Variants in MAP4 observed in about 807,000 individuals in gnomAD.
The protein encoded by MAP4 is microtubule-associated protein 4.
A neutral mutation model predicts 170.2 loss-of-function variants in MAP4; 76 were observed. That is an observed-to-expected ratio of 0.45 (90% confidence interval 0.37 to 0.54). The LOEUF (loss-of-function observed/expected upper bound fraction) is 0.54. Ranked by LOEUF, MAP4 falls within the 20% of genes least tolerant of loss-of-function variation. The pLI is 0.00. For synonymous variants in MAP4, 909 were observed against 994.5 expected (o/e 0.91, Z 1.62); for missense variants, 2,506 against 2,748.0 (o/e 0.91, Z 1.97).
intron 1 of MAP4, among the ~76,000 whole-genome samples, chr3:48,063,056 T>A (rs1354354970): frequency 6.6e-6 from 1 of 151,514 alleles, no homozygotes; most frequent in Non-Finnish European, 1.5e-5. Flanking sequence ...ATAACATATG[T>A]CATCAGAGAA....
intron 3 of MAP4, among the ~76,000 whole-genome samples, chr3:47,954,352 G>C (rs1048401683): frequency 1.7e-4 from 26 of 152,140 alleles, no homozygotes; most frequent in Admixed American, 3.9e-4. Flanking sequence ...TATAAATACA[G>C]TAAAGTTGTA....
chr3:47,853,111 C>T (rs1044127294), intron 20 of MAP4, 52 bp downstream of exon 20: 23 of 1,612,886 alleles, frequency 1.4e-5, no homozygotes, highest in East Asian at 6.7e-5. Flanking sequence ...TTTCAATTTG[C>T]GGCCAGTGGC....
intron 1 of MAP4, among the ~76,000 whole-genome samples, chr3:48,024,167 G>A (rs1304558176): frequency 6.6e-6 from 1 of 152,046 alleles, no homozygotes; most frequent in Non-Finnish European, 1.5e-5. Context: ...AAAATTAGCT[G>A]GGCGTGGTGG....
chr3:47,950,428 G>T (rs1409697298), intron 3 of MAP4, among the ~76,000 whole-genome samples: 2 of 152,134 alleles, frequency 1.3e-5, no homozygotes, highest in Non-Finnish European at 2.9e-5. Context: ...ATGGGAAAGG[G>T]GATGCTAGTA....
Position 47,862,931 on chromosome 3 carries a change from T to G in MAP4, c.6501+4315A>C, listed in dbSNP as rs933796299. Among the ~76,000 whole-genome samples, 9 of 152,102 alleles carry G rather than the reference T, an allele frequency of 5.9e-5. No individual in the cohort carries two copies. In the East Asian group the frequency reaches 1.7e-3, roughly 29 times the overall value. ...GTTCATTTTACTGTTTTTTTCTACT[T>G]GTCTGTGTTTGAAAATTCCCACAAT... On this transcript the variant is annotated intron_variant, in intron 17 of 20. Coordinates refer to ENST00000683076, the MANE Select transcript of MAP4 (RefSeq NM_001385682.1).
At chr3:48,042,012 C>T (rs2100121876) in intron 1 of MAP4, among the ~76,000 whole-genome samples, 1 of 152,178 alleles carries the variant, frequency 6.6e-6, no homozygotes, top group Non-Finnish European at 1.5e-5. Context: ...CTTCAGCTGG[C>T]TATTTATGTG....
intron 10 of MAP4, among the ~76,000 whole-genome samples, chr3:47,897,960 A>G (rs1559960360): frequency 6.6e-6 from 1 of 151,862 alleles, no homozygotes. Flanking sequence ...GAAAAAAAAA[A>G]AAGAAAGAAT....
At chr3:47,903,374 A>G (rs1366030608) in intron 9 of MAP4, among the ~76,000 whole-genome samples, 4 of 152,182 alleles carry the variant, frequency 2.6e-5, no homozygotes, top group Non-Finnish European at 4.4e-5. Context: ...TCTACTAAAA[A>G]TACAAAAAAT....
At chr3:47,984,338 CT>C (rs2100087275) in intron 2 of MAP4, among the ~76,000 whole-genome samples, 1 of 152,042 alleles carries the variant, frequency 6.6e-6, no homozygotes, top group Non-Finnish European at 1.5e-5. Flanking sequence ...AAGGGAATTT[CT>C]GATTCATAAA....
At chr3:47,949,944 C>T (rs528875340) in intron 3 of MAP4, among the ~76,000 whole-genome samples, 4 of 152,296 alleles carry the variant, frequency 2.6e-5, no homozygotes, top group South Asian at 2.1e-4. Context: ...CAGTGATTTT[C>T]GACAGCACCA....
In MAP4 at chr3:47,864,459, G is replaced by C. The variant is rs570127046; in HGVS notation, c.6501+2787C>G. Among the ~76,000 whole-genome samples the C allele has an allele frequency of 4.6e-5, 7 of 152,214 alleles. No individual in the cohort carries two copies. In the East Asian group the frequency reaches 1.4e-3, roughly 29 times the overall value. On this transcript the variant is annotated intron_variant, in intron 17 of 20. Transcript: ENST00000683076. ...TGGGAGGCCGAGGCGGGCGGATCAT[G>C]AGGTCAGGAGATGGAGACCATTCTG... is the stretch of plus-strand genomic sequence containing the variant.
chr3:47,960,378 A>G (rs563145083), intron 3 of MAP4: 7 of 241,818 alleles, frequency 2.9e-5, no homozygotes, highest in South Asian at 6.9e-5. Flanking sequence ...TCTGCTGCCT[A>G]AAGTACCCTC....
At chr3:48,053,644 G>A (rs2154550668) in intron 1 of MAP4, among the ~76,000 whole-genome samples, 1 of 152,186 alleles carries the variant, frequency 6.6e-6, no homozygotes, top group Non-Finnish European at 1.5e-5. Context: ...TATAAGTGAT[G>A]TCTGAACTAT....
intron 1 of MAP4, among the ~76,000 whole-genome samples, chr3:48,075,146 T>G (rs2100143197): frequency 1.3e-5 from 2 of 152,190 alleles, no homozygotes; most frequent in Admixed American, 1.3e-4. Flanking sequence ...TTTATGCAGA[T>G]AGTAGCAGAT....
chr3:47,954,133 G>A (rs2100066295), intron 3 of MAP4, among the ~76,000 whole-genome samples: 1 of 152,110 alleles, frequency 6.6e-6, no homozygotes, highest in African/African-American at 2.4e-5. Flanking sequence ...TGTTCCCCTA[G>A]ACATGGGTTG....
intron 3 of MAP4, chr3:47,960,408 C>T (rs973549429): frequency 4.7e-5 from 11 of 232,154 alleles, no homozygotes; most frequent in African/African-American, 1.2e-4. Context: ...CATCAACAGG[C>T]GCTAAATTCA....
At chr3:47,907,239 T>C (rs1414740571) in intron 9 of MAP4, among the ~76,000 whole-genome samples, 3 of 152,172 alleles carry the variant, frequency 2.0e-5, no homozygotes, top group South Asian at 2.1e-4. Flanking sequence ...TCAGGAAATA[T>C]ATATGTTATT....
chr3:47,916,089 A>C lies in MAP4; in HGVS notation c.1738T>G (p.Ser580Ala), dbSNP rs1255933210. Residue 580 changes from serine (S) to alanine (A), a missense_variant, in exon 7 of 21, where the codon TCA (serine) becomes GCA (alanine). By Grantham distance (99) the Ser-to-Ala change is moderately conservative. Transcript: ENST00000683076. ...GGAACTGGTGTTGCCTCTGTTTCTG[A>C]GAGTGGTGGAACATCTTTGGCTGGA... ...VTPAKDVPPL[S>A]ETEATPVPIK... 1 of 1,614,166 alleles carries C rather than the reference A, an allele frequency of 6.2e-7. No individual in the cohort carries two copies. The highest frequency in any genetic ancestry group is 2.2e-5 in the East Asian group (1 of 44,884).
intron 10 of MAP4, among the ~76,000 whole-genome samples, chr3:47,897,950 G>GA (rs370278143): frequency 0.03 from 4,063 of 134,510 alleles, 257 homozygotes; most frequent in African/African-American, 0.1. Flanking sequence ...TCGGGGGGGG[G>GA]AAAAAAAAAA....
Sources: gnomAD v4.1 joint callset for allele counts (sites outside exome capture counted in the v4.1 genomes callset) on GRCh38, gnomAD v4.1.1 for gene constraint, MANE v1.5 for transcripts, NCBI Gene and HGNC (gene_info 2026-07-23, HGNC 2026-07-21) for gene names.